The following PLCB3 variants were observed in gnomAD, a reference collection of about 807,000 sequenced individuals.
PLCB3 encodes 1-phosphatidylinositol 4,5-bisphosphate phosphodiesterase beta-3.
PLCB3 carries 54 observed loss-of-function variants against 152.1 expected under a neutral mutation model. The observed-to-expected ratio is 0.36, with a 90% CI of 0.29 to 0.45. The LOEUF is 0.45. Among genes scored for constraint, PLCB3 ranks in the 20% least tolerant of loss-of-function variants. PLCB3 has a pLI of 1.00. For missense variants in PLCB3, 1,248 were observed against 1,687.5 expected (o/e 0.74, Z 4.56); for synonymous variants, 717 against 698.7 (o/e 1.03, Z -0.41).
chr11:64,255,898 G>A lies in PLCB3; in HGVS notation c.698+77G>A. ...GCTTAGCGTGCCTCTAGCTCAATGG[G>A]GAGAGGGGAAACTGGTGGGCCGGGT... is the stretch of plus-strand genomic sequence containing the variant. On this transcript the variant is annotated intron_variant, in intron 8 of 30. Coordinates refer to ENST00000279230, the MANE Select transcript of PLCB3 (RefSeq NM_000932.5). This position sits in a 1 kb window ranked among gnomAD's most constrained non-coding sequence, Gnocchi z 6.8. 8.8e-7 allele frequency: 1 copy of A among 1,131,960 alleles called. No homozygotes were observed. Among genetic ancestry groups the A allele is most frequent in the Non-Finnish European group, 1.3e-6 (1 of 745,378 alleles). 70.1% of individuals were successfully genotyped at this position (1,131,960 alleles called of 1,614,324 possible). A position where few individuals can be genotyped will look rare whatever the true frequency, so the allele number is the denominator to read the frequency against.
chr11:64,265,269 G>A (rs749187272), intron 24 of PLCB3, 41 bp from the exon 25 acceptor site: 5 of 1,580,284 alleles, frequency 3.2e-6, no homozygotes, highest in Admixed American at 1.8e-5. Flanking sequence ...TGCCTTGCAG[G>A]TTCCCCCACC....
chr11:64,254,357 G>A (rs2031398662), intron 1 of PLCB3, 58 bp from the exon 2 acceptor site: 11 of 1,423,160 alleles, frequency 7.7e-6, no homozygotes, highest in Non-Finnish European at 9.9e-6. Flanking sequence ...GGCCCCAGGG[G>A]CCAGGCCTGC....
chr11:64,265,983 C>A lies in PLCB3; in HGVS notation c.3133C>A (p.Leu1045Met). The change falls in exon 26 of 31, where the codon CTG becomes ATG. Residue 1045 changes from leucine to methionine, a missense_variant. Around this residue, in one of 6 missense-constraint regions of PLCB3, gnomAD observed 477 missense variants for 489.6 expected, o/e 0.97. Transcript: ENST00000279230. ...QNRQVQSLLE[L>M]REAQVDAEAQ... is the part of the protein sequence containing the mutation. ...CAGACAGGTGCAGAGCCTGCTGGAGCTGCGGGAGGCCCAGGTGGACGCAGA... is the reference window on the plus strand; with the variant it reads ...CAGACAGGTGCAGAGCCTGCTGGAGATGCGGGAGGCCCAGGTGGACGCAGA... The A allele has an allele frequency of 1.9e-6, 3 of 1,614,050 alleles. No homozygotes were observed. The highest frequency in any genetic ancestry group is 2.5e-6 in the Non-Finnish European group (3 of 1,180,004).
chr11:64,264,499 C>T (rs936364353), intron 22 of PLCB3, among the ~76,000 whole-genome samples: 8 of 152,140 alleles, frequency 5.3e-5, no homozygotes, highest in African/African-American at 7.2e-5. Flanking sequence ...CTGCGGCAGG[C>T]GGGCGGGGAG....
chr11:64,257,805 G>A (rs1363355982), intron 10 of PLCB3, among the ~76,000 whole-genome samples: 1 of 151,936 alleles, frequency 6.6e-6, no homozygotes, highest in Non-Finnish European at 1.5e-5. Context: ...AGCAGAAGAG[G>A]TGATGTGACC....
chr11:64,267,448 G>A lies in PLCB3; in HGVS notation c.3597G>A (p.Leu1199=). The part of the protein sequence containing the change: ...RSLLGEMPEG[L]GDGPLVACAS... Reference sequence around the variant, plus strand: ...TGCTGGGCGAGATGCCGGAGGGGCTGGGGGACGGGCCTCTGGTGGCCTGTG... The same window carrying A: ...TGCTGGGCGAGATGCCGGAGGGGCTAGGGGACGGGCCTCTGGTGGCCTGTG... The change falls in exon 31 of 31, where the codon CTG becomes CTA. Residue 1199 remains leucine (L), a synonymous_variant. Transcript: ENST00000279230. This position sits in a 1 kb window ranked among gnomAD's most constrained non-coding sequence, Gnocchi z 5.2. 1 of 1,553,200 alleles carries A rather than the reference G, an allele frequency of 6.4e-7. No individual in the cohort carries two copies. The highest frequency in any genetic ancestry group is 8.7e-7 in the Non-Finnish European group (1 of 1,152,098).
At chr11:64,265,821 C>T in intron 25 of PLCB3, 65 bp from the exon 26 acceptor site, 2 of 1,563,174 alleles carry the variant, frequency 1.3e-6, no homozygotes, top group Non-Finnish European at 1.7e-6. Flanking sequence ...TGCCCCCCTA[C>T]ACACCCTCCC....
chr11:64,260,802 T>C (rs2031809352), intron 14 of PLCB3, among the ~76,000 whole-genome samples: 1 of 143,118 alleles, frequency 7.0e-6, no homozygotes, highest in Admixed American at 7.0e-5. Context: ...AAAGACATCA[T>C]TGCTATAAAG....
In PLCB3 at chr11:64,265,931, G is replaced by A; in HGVS notation, c.3081G>A (p.Glu1027=). ...AGGACACGAAGGAGGGGGAGGACGA[G>A]GCAAAGCGGTATCAGGAGTTCCAGA... is the stretch of plus-strand genomic sequence containing the variant. ...DVEDTKEGED[E]AKRYQEFQNR... The change falls in exon 26 of 31, where the codon GAG becomes GAA. Residue 1027 remains glutamate, a synonymous_variant. Coordinates refer to ENST00000279230, the MANE Select transcript of PLCB3 (RefSeq NM_000932.5). 1 of 1,613,678 alleles carries A rather than the reference G, an allele frequency of 6.2e-7. No homozygotes were observed. The highest frequency in any genetic ancestry group is 1.7e-5 in the Admixed American group (1 of 60,028).
At chr11:64,252,346 G>A (rs2031257436) in intron 1 of PLCB3, among the ~76,000 whole-genome samples, 1 of 151,876 alleles carries the variant, frequency 6.6e-6, no homozygotes, top group Admixed American at 6.6e-5. Flanking sequence ...TCCACCCCTG[G>A]GAACTTTGCT....
rs1282416180 is a variant in PLCB3 at position 64,266,816 on chromosome 11, T to C, written c.3414+264T>C. On this transcript the variant is annotated intron_variant, in intron 29 of 30. Coordinates refer to ENST00000279230, the MANE Select transcript of PLCB3 (RefSeq NM_000932.5). This position sits in a 1 kb window ranked among gnomAD's most constrained non-coding sequence, Gnocchi z 4.9. ...CTTCGCCCACCTGACTTCTTTTTCTTTGAGACAGAGTCTCACTCTGTCGCC... is the reference window on the plus strand; with the variant it reads ...CTTCGCCCACCTGACTTCTTTTTCTCTGAGACAGAGTCTCACTCTGTCGCC... 2.0e-5 allele frequency among the ~76,000 whole-genome samples: 3 copies of C among 151,448 alleles called. No individual in the cohort carries two copies. The highest frequency in any genetic ancestry group is 4.4e-5 in the Non-Finnish European group (3 of 67,790).
intron 10 of PLCB3, among the ~76,000 whole-genome samples, chr11:64,257,307 A>C (rs933420965): frequency 5.3e-5 from 8 of 152,054 alleles, no homozygotes; most frequent in Non-Finnish European, 1.0e-4. Flanking sequence ...CCCAGCCTGC[A>C]GGGTGCTTTT....
At chr11:64,263,414 C>A in intron 19 of PLCB3, 84 bp from the exon 20 acceptor site, 2 of 819,930 alleles carry the variant, frequency 2.4e-6, no homozygotes, top group South Asian at 1.7e-5. Flanking sequence ...CTTTGTTAAG[C>A]TTTGATGGCT....
chr11:64,261,635 A>T lies in PLCB3; in HGVS notation c.1883A>T (p.Gln628Leu). 1 of 1,614,164 alleles carries T rather than the reference A, an allele frequency of 6.2e-7. No individual in the cohort carries two copies. Among genetic ancestry groups the T allele is most frequent in the Non-Finnish European group, 8.5e-7 (1 of 1,180,016 alleles). ...TTTGTGGAGACCAAGGCCATGGAGC[A>T]ACTGACCAAGAGCCCCATGGAGTTT... The part of the protein sequence containing the change: ...SSFVETKAME[Q>L]LTKSPMEFVE... Residue 628 changes from glutamine (Q) to leucine (L), a missense_variant, in exon 16 of 31, where the codon CAA (glutamine) becomes CTA (leucine). By Grantham distance (113) the Gln-to-Leu change is moderately radical. Transcript: ENST00000279230.
In PLCB3 at chr11:64,266,589, C is replaced by T. The variant is rs747249845; in HGVS notation, c.3414+37C>T. Reference sequence around the variant, plus strand: ...TCCCGGGCCACCCTACCCCACCTCCCTTCCTTCACTCATCAGACACCCATC... The same window carrying T: ...TCCCGGGCCACCCTACCCCACCTCCTTTCCTTCACTCATCAGACACCCATC... On this transcript the variant is annotated intron_variant, in intron 29 of 30. Transcript: ENST00000279230. The surrounding 1 kb of genome is among the most constrained non-coding windows in gnomAD (Gnocchi z 4.9). 13 of 1,599,480 alleles carry T rather than the reference C, an allele frequency of 8.1e-6. No individual in the cohort carries two copies. Among genetic ancestry groups the T allele is most frequent in the Admixed American group, 3.3e-5 (2 of 59,986 alleles).
intron 19 of PLCB3, 26 bp from the exon 20 acceptor site, chr11:64,263,472 T>A (rs2510067): frequency 2.0e-6 from 3 of 1,490,404 alleles, no homozygotes; most frequent in Non-Finnish European, 2.7e-6. Context: ...GTCAGCCCTG[T>A]GGCTCAGCTC....
intron 1 of PLCB3, among the ~76,000 whole-genome samples, chr11:64,252,008 C>A (rs569857066): frequency 4.6e-4 from 70 of 152,082 alleles, no homozygotes; most frequent in African/African-American, 1.7e-3. Flanking sequence ...CCCGTCCCCC[C>A]GTTTTCCATT....
rs1391458784 is a variant in PLCB3, at chr11:64,258,679, C to G, written c.1219C>G (p.Pro407Ala). 6.2e-7 allele frequency: 1 copy of G among 1,613,860 alleles called. No individual in the cohort carries two copies. Residue 407 changes from proline to alanine, a missense_variant, in exon 11 of 31, where the codon CCC becomes GCC. Physicochemically the swap from Pro to Ala is conservative, Grantham distance 27. Around this residue, in one of 6 missense-constraint regions of PLCB3, gnomAD observed 122 missense variants for 221.8 expected, o/e 0.55. Coordinates refer to ENST00000279230, the MANE Select transcript of PLCB3 (RefSeq NM_000932.5). This position sits in a 1 kb window ranked among gnomAD's most constrained non-coding sequence, Gnocchi z 7.2. The part of the protein sequence containing the change: ...AETAFKTSPY[P>A]VILSFENHVD... ...GACTGCCTTCAAGACCTCGCCCTACCCCGTCATCCTCTCCTTCGAGAACCA... is the reference window on the plus strand; with the variant it reads ...GACTGCCTTCAAGACCTCGCCCTACGCCGTCATCCTCTCCTTCGAGAACCA...
chr11:64,265,631 G>A, intron 25 of PLCB3, 129 bp downstream of exon 25: 1 of 1,416,180 alleles, frequency 7.1e-7, no homozygotes, highest in Non-Finnish European at 9.3e-7. Flanking sequence ...GTGCAAGGAT[G>A]GAGGAGGCTT....
Sources: allele counts gnomAD v4.1 joint callset (sites outside exome capture counted in the v4.1 genomes callset), GRCh38; gene constraint gnomAD v4.1.1; regional missense constraint gnomAD v4.1.1; non-coding constraint Gnocchi (gnomAD v3.1); transcripts MANE v1.5; gene names NCBI Gene and HGNC (gene_info 2026-07-23, HGNC 2026-07-21).